NWD2: variants seen among roughly 807,000 people sequenced by gnomAD.
The protein encoded by NWD2 is NACHT and WD repeat domain-containing protein 2.
NWD2 carries 37 observed loss-of-function variants against 132.7 expected under a neutral mutation model. That is an observed-to-expected ratio of 0.28 (90% CI 0.21 to 0.37). The LOEUF is 0.37. Among genes scored for constraint, NWD2 ranks in the 10% least tolerant of loss-of-function variants. The pLI, the probability that NWD2 is intolerant of heterozygous loss-of-function variation, is 1.00. For missense variants in NWD2, 1,592 were observed against 2,122.4 expected, an observed-to-expected ratio of 0.75 and a Z score of 4.91; for synonymous variants, 705 against 803.0, an observed-to-expected ratio of 0.88 and a Z score of 2.06.
chr4:37,335,161 T>C (rs993503304), intron 2 of NWD2, among the ~76,000 whole-genome samples: 10 of 152,078 alleles, frequency 6.6e-5, no homozygotes, highest in African/African-American at 2.4e-4. Context: ...TACCCCTGCC[T>C]ACTCTCGAGG....
chr4:37,349,033 T>TAGTA, intron 2 of NWD2, among the ~76,000 whole-genome samples: 1 of 152,240 alleles, frequency 6.6e-6, no homozygotes, highest in East Asian at 1.9e-4. Flanking sequence ...TATGGCTGAA[T>TAGTA]AGTATTCCAT....
intron 2 of NWD2, among the ~76,000 whole-genome samples, chr4:37,338,550 C>T (rs994781792): frequency 2.6e-5 from 4 of 152,144 alleles, no homozygotes; most frequent in Admixed American, 1.3e-4. Context: ...AACCAGAGGA[C>T]GAAGAATTGG....
At chr4:37,312,629 T>C (rs377747267) in intron 1 of NWD2, among the ~76,000 whole-genome samples, 5 of 150,688 alleles carry the variant, frequency 3.3e-5, no homozygotes, top group Non-Finnish European at 5.9e-5. Flanking sequence ...ATTTCCTTCT[T>C]CTGCCTAATT....
At chr4:37,331,751 TA>T (rs1719297298) in intron 2 of NWD2, among the ~76,000 whole-genome samples, 1 of 152,328 alleles carries the variant, frequency 6.6e-6, no homozygotes, top group Admixed American at 6.5e-5. Context: ...TACCTGGTTT[TA>T]ACTTCATGTC....
intron 3 of NWD2, among the ~76,000 whole-genome samples, chr4:37,427,083 G>A (rs1351042075): frequency 2.0e-5 from 3 of 151,410 alleles, no homozygotes; most frequent in Admixed American, 1.3e-4. Context: ...GCTACTAGAT[G>A]GAGTGTTGTC....
chr4:37,402,298 C>T (rs993478766), intron 3 of NWD2, among the ~76,000 whole-genome samples: 1 of 152,228 alleles, frequency 6.6e-6, no homozygotes, highest in African/African-American at 2.4e-5. Flanking sequence ...ACAAAACCCA[C>T]TAGAATAGCA....
At chr4:37,401,487 C>T (rs1577691510) in intron 3 of NWD2, among the ~76,000 whole-genome samples, 1 of 152,294 alleles carries the variant, frequency 6.6e-6, no homozygotes, top group East Asian at 1.9e-4. Flanking sequence ...TATTCCATTG[C>T]TTTGGGTACT....
intron 1 of NWD2, among the ~76,000 whole-genome samples, chr4:37,318,263 C>T (rs1360194331): frequency 6.6e-6 from 1 of 151,798 alleles, no homozygotes; most frequent in African/African-American, 2.4e-5. Context: ...CTGACTCAGG[C>T]GATCCACTGA....
At chr4:37,397,487 A>G (rs902196947) in intron 3 of NWD2, among the ~76,000 whole-genome samples, 1 of 152,166 alleles carries the variant, frequency 6.6e-6, no homozygotes, top group Non-Finnish European at 1.5e-5. Context: ...TCCCTCAGGA[A>G]GAAGGAATTC....
At chr4:37,251,812 G>C (rs968745443) in intron 1 of NWD2, among the ~76,000 whole-genome samples, 2 of 152,194 alleles carry the variant, frequency 1.3e-5, no homozygotes, top group Non-Finnish European at 2.9e-5. Context: ...CCAAGAGATA[G>C]TATCTAGCCA....
At chr4:37,327,187 A>T (rs1344388149) in intron 2 of NWD2, among the ~76,000 whole-genome samples, 1 of 152,304 alleles carries the variant, frequency 6.6e-6, no homozygotes, top group East Asian at 1.9e-4. Flanking sequence ...GTTACCATAG[A>T]GGAAGAAATG....
intron 2 of NWD2, among the ~76,000 whole-genome samples, chr4:37,345,952 G>T (rs1361059952): frequency 6.6e-6 from 1 of 151,950 alleles, no homozygotes; most frequent in Non-Finnish European, 1.5e-5. Flanking sequence ...ATGGTGGCGG[G>T]CACCTGTAAT....
At chr4:37,252,246 G>C (rs1717392692) in intron 1 of NWD2, among the ~76,000 whole-genome samples, 1 of 152,198 alleles carries the variant, frequency 6.6e-6, no homozygotes, top group African/African-American at 2.4e-5. Context: ...CTGATGTCTT[G>C]AGGTGATATT....
chr4:37,273,064 T>C (rs765875803), intron 1 of NWD2, among the ~76,000 whole-genome samples: 1 of 151,874 alleles, frequency 6.6e-6, no homozygotes, highest in Non-Finnish European at 1.5e-5. Flanking sequence ...GGCCTCTCTG[T>C]AGTGTTTGTT....
At chr4:37,429,038 A>G (rs1428050714) in intron 3 of NWD2, among the ~76,000 whole-genome samples, 2 of 152,108 alleles carry the variant, frequency 1.3e-5, no homozygotes, top group Non-Finnish European at 2.9e-5. Flanking sequence ...GGCCTACACC[A>G]CTAAATTTAA....
intron 1 of NWD2, among the ~76,000 whole-genome samples, chr4:37,273,521 A>G (rs1453089350): frequency 2.6e-5 from 4 of 152,114 alleles, no homozygotes; most frequent in African/African-American, 9.7e-5. Flanking sequence ...AGACAGAGCA[A>G]TGAGACAGAA....
At chr4:37,379,134 A>T (rs963297884) in intron 3 of NWD2, among the ~76,000 whole-genome samples, 1 of 152,234 alleles carries the variant, frequency 6.6e-6, no homozygotes, top group Non-Finnish European at 1.5e-5. Flanking sequence ...GGAAAACCAC[A>T]TGACAGGGTT....
chr4:37,327,966 A>G (rs1177170542), intron 2 of NWD2, among the ~76,000 whole-genome samples: 6 of 152,016 alleles, frequency 3.9e-5, no homozygotes, highest in Non-Finnish European at 7.4e-5. Flanking sequence ...CTCTTCAACT[A>G]CAATGCTTTT....
chr4:37,328,397 C>T (rs10014867), intron 2 of NWD2, among the ~76,000 whole-genome samples: 107,238 of 151,502 alleles, frequency 0.71, 38,189 homozygotes, highest in East Asian at 0.86. Context: ...ACTCCCCTAG[C>T]CCCCCACCCC....
Sources: allele counts gnomAD v4.1 joint callset (sites outside exome capture counted in the v4.1 genomes callset), GRCh38; gene constraint gnomAD v4.1.1; transcripts MANE v1.5; gene names NCBI Gene and HGNC (gene_info 2026-07-23, HGNC 2026-07-21).